Variants in COMMD6 observed in about 807,000 individuals in gnomAD.
COMMD6 encodes COMM domain-containing protein 6.
COMMD6 carries 11 observed loss-of-function variants against 13.4 expected under a neutral mutation model. The ratio of observed to expected loss-of-function variants is 0.82; its 90% CI spans 0.52 to 1.36. The LOEUF (loss-of-function observed/expected upper bound fraction) is 1.36. COMMD6 is among the 40% of genes most tolerant of loss of function. The pLI is 0.00. For missense variants in COMMD6, 124 were observed against 102.4 expected (o/e 1.21, Z -0.91); for synonymous variants, 43 against 36.5 (o/e 1.18, Z -0.64).
At position 75,525,623 on chromosome 13, in the gene COMMD6, G is replaced by C. The variant is rs536780690; in HGVS notation, c.*966C>G. 1.3e-5 allele frequency: 2 copies of C among 152,296 alleles called. No homozygotes were observed. Among genetic ancestry groups the C allele is most frequent in the African/African-American group, 4.8e-5 (2 of 41,476 alleles). The allele number at this position is 152,296 out of a possible 1,614,324, so 9.4% of individuals were successfully genotyped here. ...TCATCAAGCTGGTAGGAATCTGAGC[G>C]CACAGGTGGGCTGCGGCAGGCAGCA... On this transcript the variant is annotated 3_prime_UTR_variant, in exon 4 of 4. Transcript: ENST00000682242.
chr13:75,529,348 A>G lies in COMMD6; in HGVS notation c.207+766T>C, dbSNP rs188188027. On this transcript the variant is annotated intron_variant, in intron 3 of 3. Coordinates refer to ENST00000682242, the MANE Select transcript of COMMD6 (RefSeq NM_203495.4). ...ATCCTGGCTAACATGGTGAAACCCCATCTCTACTAAAAATACAAATAAATT... is the reference window on the plus strand; with the variant it reads ...ATCCTGGCTAACATGGTGAAACCCCGTCTCTACTAAAAATACAAATAAATT... 3.9e-4 allele frequency among the ~76,000 whole-genome samples: 60 copies of G among 152,114 alleles called. No homozygotes were observed. In the East Asian group the frequency reaches 5.6e-3, roughly 14 times the overall value.
Position 75,526,441 on chromosome 13 carries a change from G to A in COMMD6, c.*148C>T, listed in dbSNP as rs2030258469. The A allele has an allele frequency of 3.3e-6, 2 of 615,354 alleles. No homozygotes were observed. The highest frequency in any genetic ancestry group is 1.9e-5 in the African/African-American group (1 of 53,890). 38.1% of individuals were successfully genotyped at this position (615,354 alleles called of 1,614,324 possible). On this transcript the variant is annotated 3_prime_UTR_variant, in exon 4 of 4. Coordinates refer to ENST00000682242, the MANE Select transcript of COMMD6 (RefSeq NM_203495.4). ...CATTCATCACCACTACCCAGTTCCT[G>A]TTTGTCTGATTTTTATTATTTAAAA...
intron 3 of COMMD6, among the ~76,000 whole-genome samples, chr13:75,529,269 C>CACT (rs2030377569): frequency 6.6e-6 from 1 of 152,106 alleles, no homozygotes; most frequent in African/African-American, 2.4e-5. Flanking sequence ...GCCTGTAATC[C>CACT]TGGCACTTTG....
chr13:75,530,101 T>G lies in COMMD6; in HGVS notation c.207+13A>C, dbSNP rs764380994. The G allele has an allele frequency of 1.4e-4, 222 of 1,604,614 alleles. No individual in the cohort carries two copies. The highest frequency in any genetic ancestry group is 1.8e-4 in the Non-Finnish European group (211 of 1,174,748). ...AAAAGCTGAGCTAAAACTGGATGAGTTAAATCACAAACCTGAAACTGTGGA... is the reference window on the plus strand; with the variant it reads ...AAAAGCTGAGCTAAAACTGGATGAGGTAAATCACAAACCTGAAACTGTGGA... On this transcript the variant is annotated intron_variant, in intron 3 of 3. Coordinates refer to ENST00000682242, the MANE Select transcript of COMMD6 (RefSeq NM_203495.4).
At chr13:75,530,035 C>T (rs945202643) in intron 3 of COMMD6, 79 bp downstream of exon 3, 26 of 1,160,228 alleles carry the variant, frequency 2.2e-5, no homozygotes, top group Admixed American at 1.3e-4. Flanking sequence ...AAAGTTTTCC[C>T]GTAGAAAGAT....
At chr13:75,544,437 C>G (rs571774665) in intron 1 of COMMD6, among the ~76,000 whole-genome samples, 1 of 152,274 alleles carries the variant, frequency 6.6e-6, no homozygotes, top group South Asian at 2.1e-4. Context: ...TTTCAACCTT[C>G]GGCTTAAAGG....
upstream of COMMD6, among the ~76,000 whole-genome samples, chr13:75,543,329 T>C (rs2030854889): frequency 6.7e-6 from 1 of 149,658 alleles, no homozygotes; most frequent in African/African-American, 2.4e-5. Flanking sequence ...TAACCTAATA[T>C]AAGTTGGAAA....
intron 1 of COMMD6, among the ~76,000 whole-genome samples, chr13:75,545,859 T>C (rs1339523326): frequency 6.6e-6 from 1 of 152,216 alleles, no homozygotes; most frequent in East Asian, 1.9e-4. Context: ...TCTTCATAGC[T>C]CTTCTACACT....
At chr13:75,529,968 C>T in intron 3 of COMMD6, 146 bp downstream of exon 3, 1 of 612,362 alleles carries the variant, frequency 1.6e-6, no homozygotes, top group Non-Finnish European at 2.8e-6. Context: ...AAATTAATGT[C>T]TCTTGCATAT....
chr13:75,530,373 G>A (rs375231435), intron 2 of COMMD6, 107 bp from the exon 3 acceptor site: 4 of 758,758 alleles, frequency 5.3e-6, no homozygotes, highest in Non-Finnish European at 8.3e-6. Flanking sequence ...TTCAACGCTG[G>A]TCATATTTAC....
upstream of COMMD6, among the ~76,000 whole-genome samples, chr13:75,543,741 G>T (rs1385791906): frequency 6.6e-6 from 1 of 152,162 alleles, no homozygotes; most frequent in Non-Finnish European, 1.5e-5. Flanking sequence ...ATGAGATCTT[G>T]TATGTAAAGC....
At chr13:75,539,188 G>C (rs2030778847), upstream of COMMD6, among the ~76,000 whole-genome samples, 3 of 150,898 alleles carry the variant, frequency 2.0e-5, no homozygotes, top group Non-Finnish European at 2.9e-5. Flanking sequence ...TGTTTCTAGG[G>C]GCCTAAAAAA....
At position 75,525,383 on chromosome 13, in the gene COMMD6, A is replaced by G. The variant is rs983954424; in HGVS notation, c.*1206T>C. ...AGTAAGTGGGAGACAGAGGAACCTC[A>G]TGCACAGTTACAGAAGGCAGGTTTG... is the stretch of plus-strand genomic sequence containing the variant. On this transcript the variant is annotated 3_prime_UTR_variant, in exon 4 of 4. Coordinates refer to ENST00000682242, the MANE Select transcript of COMMD6 (RefSeq NM_203495.4). 2 of 152,294 alleles carry G rather than the reference A, an allele frequency of 1.3e-5. No homozygotes were observed. The highest frequency in any genetic ancestry group is 2.9e-5 in the Non-Finnish European group (2 of 68,090). The allele number at this position is 152,294 out of a possible 1,614,324, so 9.4% of individuals were successfully genotyped here. A position where few individuals can be genotyped will look rare whatever the true frequency, so the allele number is the denominator to read the frequency against.
chr13:75,535,797 G>A (rs576892679), intron 2 of COMMD6, among the ~76,000 whole-genome samples: 5 of 152,242 alleles, frequency 3.3e-5, no homozygotes, highest in South Asian at 2.1e-4. Flanking sequence ...CTCCTCATGC[G>A]CTGGATCACA....
chr13:75,547,328 T>C (rs1804267731), intron 1 of COMMD6, among the ~76,000 whole-genome samples: 1 of 152,212 alleles, frequency 6.6e-6, no homozygotes, highest in Non-Finnish European at 1.5e-5. Flanking sequence ...TTTTTTGTCA[T>C]CCTGTGAATA....
chr13:75,547,784 T>C (rs2138432866), intron 1 of COMMD6, among the ~76,000 whole-genome samples: 1 of 152,344 alleles, frequency 6.6e-6, no homozygotes, highest in East Asian at 1.9e-4. Flanking sequence ...GGACAACCTC[T>C]GTAAGGTGAA....
At chr13:75,529,366 A>C (rs1325507927) in intron 3 of COMMD6, among the ~76,000 whole-genome samples, 1 of 151,882 alleles carries the variant, frequency 6.6e-6, no homozygotes, top group African/African-American at 2.4e-5. Context: ...TAAAAATACA[A>C]ATAAATTAGC....
At chr13:75,537,416 A>G in intron 2 of COMMD6, 2 of 1,551,230 alleles carry the variant, frequency 1.3e-6, no homozygotes, top group Non-Finnish European at 1.7e-6. Context: ...TCGCCTAATC[A>G]AAGCCCAACA....
upstream of COMMD6, among the ~76,000 whole-genome samples, chr13:75,541,721 C>A (rs2030826560): frequency 6.6e-6 from 1 of 151,966 alleles, no homozygotes; most frequent in Non-Finnish European, 1.5e-5. Flanking sequence ...AGCTTGGGTG[C>A]AAATATACTA....
Sources: allele counts gnomAD v4.1 joint callset (sites outside exome capture counted in the v4.1 genomes callset), GRCh38; gene constraint gnomAD v4.1.1; transcripts MANE v1.5; gene names NCBI Gene and HGNC (gene_info 2026-07-23, HGNC 2026-07-21).